ZNF525: variants seen among roughly 807,000 people sequenced by gnomAD.
ZNF525 encodes zinc finger protein 525.
ZNF525 carries 33 observed loss-of-function variants against 37.6 expected under a neutral mutation model. The observed-to-expected ratio is 0.88, with a 90% CI of 0.67 to 1.17. ZNF525 has a LOEUF of 1.17. Ranked by LOEUF, ZNF525 falls within the 50% of genes most tolerant of loss-of-function variation. ZNF525 has a pLI of 0.00. For missense variants in ZNF525, 449 were observed against 543.1 expected, an observed-to-expected ratio of 0.83 and a Z score of 1.72; for synonymous variants, 170 against 182.3, an observed-to-expected ratio of 0.93 and a Z score of 0.54.
intron 1 of ZNF525, among the ~76,000 whole-genome samples, chr19:53,368,274 C>T (rs918607278): frequency 3.9e-5 from 6 of 152,036 alleles, no homozygotes; most frequent in African/African-American, 1.2e-4. Context: ...AGAAGAGAAA[C>T]GGGAGAATGA....
Position 53,381,679 on chromosome 19 carries a change from A to T in ZNF525, c.1100A>T (p.Lys367Ile). 8.9e-7 allele frequency: 1 copy of T among 1,125,842 alleles called. No individual in the cohort carries two copies. The highest frequency in any genetic ancestry group is 1.4e-6 in the Non-Finnish European group (1 of 733,908). The allele number at this position is 1,125,842 out of a possible 1,614,324, so 69.7% of individuals were successfully genotyped here. Residue 367 changes from lysine to isoleucine, a missense_variant, in exon 4 of 4, where the codon AAA (lysine) becomes ATA (isoleucine). Coordinates refer to ENST00000474037, the MANE Select transcript of ZNF525 (RefSeq NM_001348156.2). ...GAATGTGACAAAGCTTTCAGTTTCA[A>T]ATCAAACCTTGAAAGTCATAGGATA... ...CEECDKAFSF[K>I]SNLESHRITH... is the part of the protein sequence containing the mutation.
intron 1 of ZNF525, 49 bp downstream of exon 1, chr19:53,365,808 G>T: frequency 6.4e-6 from 1 of 157,002 alleles, no homozygotes; most frequent in South Asian, 1.7e-4. Flanking sequence ...CAGGTCCCCG[G>T]CGCTTCTGTC....
chr19:53,372,254 C>A lies in ZNF525; in HGVS notation c.-28C>A. The A allele has an allele frequency of 1.3e-6, 1 of 750,290 alleles. No individual in the cohort carries two copies. The highest frequency in any genetic ancestry group is 1.4e-5 in the South Asian group (1 of 69,598). The allele number at this position is 750,290 out of a possible 1,614,324, so 46.5% of individuals were successfully genotyped here. A position where few individuals can be genotyped will look rare whatever the true frequency, so the allele number is the denominator to read the frequency against. On this transcript the variant is annotated 5_prime_UTR_variant, in exon 2 of 4. Transcript: ENST00000474037. ...GACTCTTGGTACATGAGGAAGAAAC[C>A]CGGAAAAGGAAAGCAGAGGAGTCAG... is the stretch of plus-strand genomic sequence containing the variant.
Position 53,383,076 on chromosome 19 carries a change from A to T in ZNF525, c.*1057A>T, listed in dbSNP as rs1160818078. The T allele has an allele frequency of 7.1e-7, 1 of 1,411,682 alleles. No homozygotes were observed. The highest frequency in any genetic ancestry group is 1.4e-5 in the African/African-American group (1 of 70,518). 87.4% of individuals were successfully genotyped at this position (1,411,682 alleles called of 1,614,324 possible). ...ACTGGAGAGAACGCTTGCAAGTGTA[A>T]TAAATGTGGCGAGGTTTTTAATCAA... On this transcript the variant is annotated 3_prime_UTR_variant, in exon 4 of 4. Transcript: ENST00000474037.
Position 53,381,266 on chromosome 19 carries a change from C to T in ZNF525, c.687C>T (p.Leu229=), listed in dbSNP as rs1346343425. ...GCAAAGCCTTTAATTATAGCTCACTCTTAAGGAAACATCAGATTATTCATC... is the reference window on the plus strand; with the variant it reads ...GCAAAGCCTTTAATTATAGCTCACTTTTAAGGAAACATCAGATTATTCATC... ...ESGKAFNYSS[L]LRKHQIIHLG... is the part of the protein sequence containing the mutation. The change falls in exon 4 of 4, where the codon CTC becomes CTT. Residue 229 remains leucine, a synonymous_variant. Transcript: ENST00000474037. 1 of 1,416,008 alleles carries T rather than the reference C, an allele frequency of 7.1e-7. No individual in the cohort carries two copies. The allele number at this position is 1,416,008 out of a possible 1,614,324, so 87.7% of individuals were successfully genotyped here.
intron 1 of ZNF525, among the ~76,000 whole-genome samples, chr19:53,371,679 A>T (rs2085489147): frequency 6.6e-6 from 1 of 151,952 alleles, no homozygotes; most frequent in Non-Finnish European, 1.5e-5. Context: ...CAATTTTTGT[A>T]TTTTTAGTAA....
Position 53,381,900 on chromosome 19 carries a change from T to C in ZNF525, c.1321T>C (p.Cys441Arg), listed in dbSNP as rs2085568061. Residue 441 changes from cysteine to arginine, a missense_variant, in exon 4 of 4, where the codon TGT (cysteine) becomes CGT (arginine). Physicochemically the swap from Cys to Arg is radical, Grantham distance 180. Coordinates refer to ENST00000474037, the MANE Select transcript of ZNF525 (RefSeq NM_001348156.2). ...RIHNGEKLYK[C>R]NECGKTFSQE... ...TCATAATGGAGAGAAACTGTACAAATGTAATGAGTGTGGCAAGACCTTCAG... is the reference window on the plus strand; with the variant it reads ...TCATAATGGAGAGAAACTGTACAAACGTAATGAGTGTGGCAAGACCTTCAG... The C allele has an allele frequency of 1.0e-6, 1 of 980,276 alleles. No individual in the cohort carries two copies. Among genetic ancestry groups the C allele is most frequent in the Non-Finnish European group, 1.7e-6 (1 of 600,742 alleles). 60.7% of individuals were successfully genotyped at this position (980,276 alleles called of 1,614,324 possible).
intron 2 of ZNF525, among the ~76,000 whole-genome samples, chr19:53,374,054 T>C (rs8101297): frequency 0.011 from 1,603 of 152,206 alleles, 26 homozygotes; most frequent in African/African-American, 0.036. Context: ...GGCTAATTTT[T>C]GTATTTTTAG....
At position 53,383,724 on chromosome 19, in the gene ZNF525, A is replaced by T; in HGVS notation, c.*1705A>T. On this transcript the variant is annotated 3_prime_UTR_variant, in exon 4 of 4. Transcript: ENST00000474037. ...AATCACTGGAGAAGCCATAATGAAG[A>T]GAGATCTTACAAATGTAATAATTGT... The T allele has an allele frequency of 1.6e-6, 1 of 628,556 alleles. No homozygotes were observed. The highest frequency in any genetic ancestry group is 2.8e-6 in the Non-Finnish European group (1 of 359,662). 38.9% of individuals were successfully genotyped at this position (628,556 alleles called of 1,614,324 possible). A position where few individuals can be genotyped will look rare whatever the true frequency, so the allele number is the denominator to read the frequency against.
chr19:53,381,861 A>G lies in ZNF525; in HGVS notation c.1282A>G (p.Arg428Gly), dbSNP rs754373587. The G allele has an allele frequency of 8.8e-6, 9 of 1,024,776 alleles. No homozygotes were observed. The highest frequency in any genetic ancestry group is 1.4e-5 in the Non-Finnish European group (9 of 641,316). 63.5% of individuals were successfully genotyped at this position (1,024,776 alleles called of 1,614,324 possible). A position where few individuals can be genotyped will look rare whatever the true frequency, so the allele number is the denominator to read the frequency against. The change falls in exon 4 of 4, where the codon AGA becomes GGA. Residue 428 changes from arginine (R) to glycine (G), a missense_variant. Physicochemically the swap from Arg to Gly is moderately radical, Grantham distance 125 (BLOSUM62 -2). Transcript: ENST00000474037. ...EAFRFKSSLE[R>G]HRRIHNGEKL... ...TTTCCGTTTCAAATCAAGTCTTGAAAGACATAGGAGAATTCATAATGGAGA... is the reference window on the plus strand; with the variant it reads ...TTTCCGTTTCAAATCAAGTCTTGAAGGACATAGGAGAATTCATAATGGAGA...
chr19:53,382,230 T>C lies in ZNF525; in HGVS notation c.*211T>C. ...GAGAATTCACACTGGTGAGAAACCT[T>C]ACAGGTGTAATAGGTGTGGCAAGAC... is the stretch of plus-strand genomic sequence containing the variant. On this transcript the variant is annotated 3_prime_UTR_variant, in exon 4 of 4. Transcript: ENST00000474037. 1 of 1,572,440 alleles carries C rather than the reference T, an allele frequency of 6.4e-7. No individual in the cohort carries two copies. Among genetic ancestry groups the C allele is most frequent in the Non-Finnish European group, 8.8e-7 (1 of 1,142,568 alleles).
chr19:53,371,966 C>T (rs1216801317), intron 1 of ZNF525, among the ~76,000 whole-genome samples: 2 of 152,132 alleles, frequency 1.3e-5, no homozygotes, highest in Non-Finnish European at 2.9e-5. Context: ...GAAGTTTGGT[C>T]AGGTCTGGGT....
Position 53,381,537 on chromosome 19 carries a change from A to T in ZNF525, c.958A>T (p.Ile320Phe). 1 of 1,234,950 alleles carries T rather than the reference A, an allele frequency of 8.1e-7. No individual in the cohort carries two copies. Among genetic ancestry groups the T allele is most frequent in the Non-Finnish European group, 1.2e-6 (1 of 834,030 alleles). 76.5% of individuals were successfully genotyped at this position (1,234,950 alleles called of 1,614,324 possible). A position where few individuals can be genotyped will look rare whatever the true frequency, so the allele number is the denominator to read the frequency against. The change falls in exon 4 of 4, where the codon ATT becomes TTT. Residue 320 changes from isoleucine (I) to phenylalanine (F), a missense_variant. Physicochemically the swap from Ile to Phe is conservative, Grantham distance 21. Around this residue, in one of 2 missense-constraint regions of ZNF525, gnomAD observed 178 missense variants for 161.5 expected, o/e 1.10. Transcript: ENST00000474037. ...TTCAGCCCTTCAAAGACATAGGAGA[A>T]TTCATACTGGAGAGAAACCACATAA... ...HNSALQRHRR[I>F]HTGEKPHKCN...
chr19:53,367,643 A>G lies in ZNF525; in HGVS notation c.-68+1884A>G, dbSNP rs184018129. On this transcript the variant is annotated intron_variant, in intron 1 of 3. Coordinates refer to ENST00000474037, the MANE Select transcript of ZNF525 (RefSeq NM_001348156.2). ...CCTCTAAAGAGGGACTCGGGAGTCTACTTTGTCTAAGTCTGGACTGGAACA... is the reference window on the plus strand; with the variant it reads ...CCTCTAAAGAGGGACTCGGGAGTCTGCTTTGTCTAAGTCTGGACTGGAACA... Among the ~76,000 whole-genome samples, 384 of 152,350 alleles carry G rather than the reference A, an allele frequency of 2.5e-3. 2 individuals carry two copies. Among genetic ancestry groups the G allele is most frequent in the Admixed American group, 2.7e-3 (42 of 15,306 alleles).
chr19:53,376,330 T>C (rs1483140638), intron 3 of ZNF525: 1 of 702,950 alleles, frequency 1.4e-6, no homozygotes, highest in Non-Finnish European at 2.6e-6. Context: ...TTGGTTCCTG[T>C]TGATTGAGTC....
At chr19:53,376,371 A>G (rs1170684873) in intron 3 of ZNF525, 2 of 695,278 alleles carry the variant, frequency 2.9e-6, no homozygotes, top group Non-Finnish European at 5.2e-6. Context: ...AGAGTTAAAT[A>G]TTTGCATTTG....
intron 1 of ZNF525, among the ~76,000 whole-genome samples, chr19:53,369,334 C>G (rs1351445401): frequency 6.6e-6 from 1 of 152,104 alleles, no homozygotes; most frequent in Non-Finnish European, 1.5e-5. Context: ...CCTCCACCTC[C>G]CAGGTTCAAG....
At chr19:53,371,942 C>T (rs554796274) in intron 1 of ZNF525, among the ~76,000 whole-genome samples, 1 of 152,200 alleles carries the variant, frequency 6.6e-6, no homozygotes, top group Non-Finnish European at 1.5e-5. Flanking sequence ...AGCCACTGCA[C>T]CCAGCCTCTG....
intron 3 of ZNF525, among the ~76,000 whole-genome samples, chr19:53,377,410 A>G (rs1269935409): frequency 1.3e-5 from 2 of 152,146 alleles, no homozygotes; most frequent in Non-Finnish European, 2.9e-5. Flanking sequence ...TCCCGCCCTC[A>G]GGTGATCTGC....
Sources: allele counts gnomAD v4.1 joint callset (sites outside exome capture counted in the v4.1 genomes callset), GRCh38; gene constraint gnomAD v4.1.1; regional missense constraint gnomAD v4.1.1; transcripts MANE v1.5; gene names NCBI Gene and HGNC (gene_info 2026-07-23, HGNC 2026-07-21).